The following CACNA1H variants were observed in gnomAD, a reference collection of about 807,000 sequenced individuals.
CACNA1H encodes the protein calcium voltage-gated channel subunit alpha1 H.
CACNA1H carries 149 observed loss-of-function variants against 192.5 expected under a neutral mutation model. The ratio of observed to expected loss-of-function variants is 0.77; its 90% CI spans 0.68 to 0.89. CACNA1H has a LOEUF of 0.89. Among genes scored for constraint, CACNA1H ranks in the 40% least tolerant of loss-of-function variants. The pLI, the probability that CACNA1H is intolerant of heterozygous loss-of-function variation, is 0.00. For missense variants in CACNA1H, 4,257 were observed against 3,423.5 expected, an observed-to-expected ratio of 1.24 and a Z score of -6.08; for synonymous variants, 2,202 against 1,475.2, an observed-to-expected ratio of 1.49 and a Z score of -11.29.
chr16:1,189,790 A>C (rs139206507), intron 2 of CACNA1H, among the ~76,000 whole-genome samples: 1,524 of 151,704 alleles, frequency 0.01, 13 homozygotes, highest in Non-Finnish European at 0.016. Flanking sequence ...GAGTATTTCA[A>C]CAGACAGGGC....
chr16:1,188,954 C>T (rs1966335633), intron 2 of CACNA1H, among the ~76,000 whole-genome samples: 1 of 152,218 alleles, frequency 6.6e-6, no homozygotes, highest in African/African-American at 2.4e-5. Flanking sequence ...CTGGCATCTG[C>T]GGTGCACTGG....
chr16:1,213,432 C>G (rs1032397721), intron 26 of CACNA1H, among the ~76,000 whole-genome samples: 2 of 152,068 alleles, frequency 1.3e-5, no homozygotes, highest in Non-Finnish European at 2.9e-5. Flanking sequence ...GGGGAGCCAT[C>G]TCAGCTTCAT....
Position 1,206,133 on chromosome 16 carries a change from G to A in CACNA1H, c.2633G>A (p.Gly878Asp). The A allele has an allele frequency of 1.3e-6, 2 of 1,586,088 alleles. No homozygotes were observed. The highest frequency in any genetic ancestry group is 1.7e-6 in the Non-Finnish European group (2 of 1,168,902). Residue 878 changes from glycine (G) to aspartate (D), a missense_variant, in exon 12 of 35, where the codon GGT becomes GAT. By Grantham distance (94) the Gly-to-Asp change is moderately conservative (BLOSUM62 -1). Transcript: ENST00000348261. ...SVWEIVGQAD[G>D]GLSVLRTFRL... is the part of the protein sequence containing the mutation. ...TGGGAGATCGTGGGGCAGGCGGACG[G>A]TGGCTTGTCTGTGCTGCGCACCTTC...
At chr16:1,183,077 C>T (rs1286833868) in intron 2 of CACNA1H, among the ~76,000 whole-genome samples, 2 of 146,484 alleles carry the variant, frequency 1.4e-5, no homozygotes, top group East Asian at 2.0e-4. Context: ...TGACCCGACA[C>T]CCCCAGCAGC....
In CACNA1H at chr16:1,180,668, CCTGGGCAGGG is replaced by C. The variant is rs918461864; in HGVS notation, c.300-14302_300-14293del. 2.0e-5 allele frequency among the ~76,000 whole-genome samples: 3 copies of C among 151,928 alleles called. No individual in the cohort carries two copies. The highest frequency in any genetic ancestry group is 6.5e-5 in the Admixed American group (1 of 15,272). On this transcript the variant is annotated intron_variant, in intron 2 of 34. Transcript: ENST00000348261. The surrounding 1 kb of genome is among the most constrained non-coding windows in gnomAD (Gnocchi z 4.4). ...CTTTCCCGGGGCAGGTAGGGAGGGG[CCTGGGCAGGG>C]CGGGGCAGGGAGGGATGAGGTGCAG...
At chr16:1,170,013 G>A (rs1964202845) in intron 2 of CACNA1H, among the ~76,000 whole-genome samples, 1 of 152,246 alleles carries the variant, frequency 6.6e-6, no homozygotes, top group Non-Finnish European at 1.5e-5. Context: ...TTTATGTGCA[G>A]GGCTCAAGTC....
intron 7 of CACNA1H, 49 bp from the exon 8 acceptor site, chr16:1,200,664 GGGA>G (rs1203589656): frequency 5.8e-5 from 91 of 1,574,984 alleles, no homozygotes; most frequent in Non-Finnish European, 6.5e-5. Flanking sequence ...CAGGGGCACG[GGGA>G]GGAGGAGGAG....
chr16:1,162,187 C>T (rs937293420), intron 2 of CACNA1H, among the ~76,000 whole-genome samples: 4 of 152,162 alleles, frequency 2.6e-5, no homozygotes, highest in East Asian at 1.9e-4. Context: ...CATGACCCCT[C>T]GCCCTGGGCC....
At chr16:1,196,147 C>T (rs1248440705) in intron 5 of CACNA1H, 124 bp downstream of exon 5, 8 of 755,908 alleles carry the variant, frequency 1.1e-5, no homozygotes, top group Non-Finnish European at 2.2e-6. Flanking sequence ...GGCACTCCGG[C>T]CCCAGCCCAG....
chr16:1,161,859 T>TGTGGGGTGGGTCC (rs142903779), intron 2 of CACNA1H, among the ~76,000 whole-genome samples: 1 of 151,962 alleles, frequency 6.6e-6, no homozygotes, highest in Non-Finnish European at 1.5e-5. Context: ...GCAGCCTGCC[T>TGTGGGGTGGGTCC]GTGGGGTGGG....
At chr16:1,191,809 G>A (rs1221638435) in intron 2 of CACNA1H, among the ~76,000 whole-genome samples, 27 of 100,948 alleles carry the variant, frequency 2.7e-4, no homozygotes, top group African/African-American at 1.2e-3. Context: ...AGGCACACTC[G>A]GGGTTTCGGT....
chr16:1,187,466 C>T (rs575520590), intron 2 of CACNA1H, among the ~76,000 whole-genome samples: 243 of 152,364 alleles, frequency 1.6e-3, no homozygotes, highest in African/African-American at 5.6e-3. Context: ...GTGCCTTTCC[C>T]GCCCACACCC....
In CACNA1H at chr16:1,201,903, C is replaced by T. The variant is rs765665281; in HGVS notation, c.1453C>T (p.Arg485Cys). 4.5e-5 allele frequency: 70 copies of T among 1,550,448 alleles called. No individual in the cohort carries two copies. In the Middle Eastern group the frequency reaches 8.5e-4, roughly 19 times the overall value. Residue 485 changes from arginine (R) to cysteine (C), a missense_variant, in exon 9 of 35, where the codon CGC (arginine) becomes TGC (cysteine). Physicochemically the swap from Arg to Cys is radical, Grantham distance 180. Transcript: ENST00000348261. ...SLRLYARWQS[R>C]WRKKVDPSAV... is the part of the protein sequence containing the mutation. ...GCGCCTCTACGCCCGCTGGCAGAGCCGCTGGCGCAAGAAGGTGGACCCCAG... is the reference window on the plus strand; with the variant it reads ...GCGCCTCTACGCCCGCTGGCAGAGCTGCTGGCGCAAGAAGGTGGACCCCAG...
chr16:1,188,083 G>A (rs1238744538), intron 2 of CACNA1H, among the ~76,000 whole-genome samples: 1 of 152,216 alleles, frequency 6.6e-6, no homozygotes. Context: ...GGAAGCTGAG[G>A]CTTAGAAAGG....
chr16:1,200,194 C>T (rs867582302), intron 6 of CACNA1H, 62 bp from the exon 7 acceptor site: 27 of 1,386,500 alleles, frequency 1.9e-5, no homozygotes, highest in African/African-American at 5.8e-5. Context: ...CAATCGTGCC[C>T]CCGACTCTGA....
intron 2 of CACNA1H, among the ~76,000 whole-genome samples, chr16:1,158,977 G>A (rs576019471): frequency 5.3e-4 from 81 of 152,356 alleles, no homozygotes; most frequent in African/African-American, 1.8e-3. Context: ...CCGTCCGTCT[G>A]TCGCCCGGAT....
At chr16:1,163,023 G>C (rs902672423) in intron 2 of CACNA1H, among the ~76,000 whole-genome samples, 1 of 152,260 alleles carries the variant, frequency 6.6e-6, no homozygotes, top group African/African-American at 2.4e-5. Flanking sequence ...TGCTCTGCCT[G>C]CCTGGACCTT....
rs1020145954 is a variant in CACNA1H, at chr16:1,217,025, C to T, written c.5323+15C>T. The T allele has an allele frequency of 8.3e-6, 13 of 1,572,720 alleles. No individual in the cohort carries two copies. The highest frequency in any genetic ancestry group is 3.3e-4 in the Middle Eastern group (2 of 6,006). On this transcript the variant is annotated intron_variant, in intron 31 of 34. Coordinates refer to ENST00000348261, the MANE Select transcript of CACNA1H (RefSeq NM_021098.3). Reference sequence around the variant, plus strand: ...CGGGAGGCTGGGTGAGTGGCTCCTGCGCCCTCCTCCTGGCACACATGGGGT... The same window carrying T: ...CGGGAGGCTGGGTGAGTGGCTCCTGTGCCCTCCTCCTGGCACACATGGGGT...
At chr16:1,173,675 C>T (rs748730359) in intron 2 of CACNA1H, among the ~76,000 whole-genome samples, 27 of 152,324 alleles carry the variant, frequency 1.8e-4, no homozygotes, top group Non-Finnish European at 3.4e-4. Context: ...CATCCGGGAA[C>T]GCCCGTCGGA....
Sources: gnomAD v4.1 joint callset for allele counts (sites outside exome capture counted in the v4.1 genomes callset) on GRCh38, gnomAD v4.1.1 for gene constraint, Gnocchi (gnomAD v3.1) non-coding constraint, MANE v1.5 for transcripts, NCBI Gene and HGNC (gene_info 2026-07-23, HGNC 2026-07-21) for gene names.